LRRC27: variants seen among roughly 807,000 people sequenced by gnomAD.
LRRC27 encodes leucine-rich repeat-containing protein 27.
In LRRC27, 57 loss-of-function variants were observed where a neutral mutation model predicts 55.0. The ratio of observed to expected loss-of-function variants is 1.04; its 90% CI spans 0.84 to 1.29. The LOEUF (loss-of-function observed/expected upper bound fraction) is 1.29. Among genes scored for constraint, LRRC27 ranks in the 50% most tolerant of loss-of-function variants. The probability of loss-of-function intolerance (pLI) is 0.00; values close to 1 mark genes in which losing one functional copy is unlikely to be tolerated. For missense variants in LRRC27, 721 were observed against 651.5 expected (o/e 1.11, Z -1.16); for synonymous variants, 278 against 251.9 (o/e 1.10, Z -0.98).
intron 6 of LRRC27, chr10:132,349,162 T>C: frequency 1.2e-6 from 1 of 807,510 alleles, no homozygotes; most frequent in Non-Finnish European, 2.1e-6. Flanking sequence ...TTGGTGAATC[T>C]AGATCATGCA....
At chr10:132,368,052 G>A (rs1429045416) in intron 10 of LRRC27, among the ~76,000 whole-genome samples, 1 of 152,194 alleles carries the variant, frequency 6.6e-6, no homozygotes, top group African/African-American at 2.4e-5. Context: ...TCACCTTCCT[G>A]TGTACCAGCA....
At chr10:132,357,652 G>T (rs370184609) in intron 8 of LRRC27, among the ~76,000 whole-genome samples, 1 of 152,232 alleles carries the variant, frequency 6.6e-6, no homozygotes, top group Non-Finnish European at 1.5e-5. Flanking sequence ...TGGGGAGGGG[G>T]GCGCAGAGGA....
intron 8 of LRRC27, 125 bp downstream of exon 8, chr10:132,356,011 T>G: frequency 1.5e-6 from 1 of 660,110 alleles, no homozygotes; most frequent in Non-Finnish European, 2.7e-6. Context: ...CTCACACGCA[T>G]CCCTGTCCAT....
At chr10:132,331,306 A>T (rs2066718727), upstream of LRRC27, 2 of 886,490 alleles carry the variant, frequency 2.3e-6, no homozygotes, top group African/African-American at 3.4e-5. Context: ...ACTTTTCATT[A>T]TCAGTTGGAT....
At chr10:132,364,928 C>T (rs927512703) in intron 9 of LRRC27, among the ~76,000 whole-genome samples, 2 of 117,910 alleles carry the variant, frequency 1.7e-5, no homozygotes, top group African/African-American at 5.6e-5. Flanking sequence ...CTTTCTACCA[C>T]CCTGAGTCAT....
chr10:132,336,148 C>G (rs931246258), intron 2 of LRRC27, among the ~76,000 whole-genome samples: 4 of 152,196 alleles, frequency 2.6e-5, no homozygotes, highest in African/African-American at 9.7e-5. Flanking sequence ...TGTTATCTTT[C>G]TGAGATTCCT....
At chr10:132,352,775 C>A in intron 7 of LRRC27, 6 of 1,245,520 alleles carry the variant, frequency 4.8e-6, no homozygotes, top group Non-Finnish European at 6.9e-6. Flanking sequence ...TGGGACAGGC[C>A]GGTTGCAGTG....
chr10:132,347,880 TG>T, intron 5 of LRRC27, 103 bp from the exon 6 acceptor site: 1 of 1,407,460 alleles, frequency 7.1e-7, no homozygotes, highest in Non-Finnish European at 9.6e-7. Context: ...ATGGAGGATC[TG>T]GGCACCCCAC....
intron 8 of LRRC27, among the ~76,000 whole-genome samples, chr10:132,359,641 G>T (rs531300328): frequency 2.0e-5 from 3 of 152,256 alleles, no homozygotes; most frequent in Non-Finnish European, 4.4e-5. Flanking sequence ...TCACTGTGTG[G>T]TCACACCCCA....
upstream of LRRC27, chr10:132,331,880 C>G (rs774384829): frequency 1.7e-6 from 2 of 1,184,816 alleles, no homozygotes; most frequent in South Asian, 1.5e-5. Context: ...TGCGCAGGCG[C>G]ACCACCCCCT....
At position 132,336,483 on chromosome 10, in the gene LRRC27, C is replaced by T. The variant is rs138144410; in HGVS notation, c.211-1082C>T. Among the ~76,000 whole-genome samples, 43 of 152,318 alleles carry T rather than the reference C, an allele frequency of 2.8e-4. No individual in the cohort carries two copies. The East Asian group carries it at 7.9e-3, about 28-fold the overall frequency. On this transcript the variant is annotated intron_variant, in intron 2 of 10. Transcript: ENST00000368614. Reference sequence around the variant, plus strand: ...TGTGATTTTTCCAGTCAGTGTTTCTCCAGTTGGAATCTGTCAGTGATTTGG... The same window carrying T: ...TGTGATTTTTCCAGTCAGTGTTTCTTCAGTTGGAATCTGTCAGTGATTTGG...
intron 8 of LRRC27, among the ~76,000 whole-genome samples, chr10:132,359,685 C>T (rs544735102): frequency 4.6e-5 from 7 of 152,364 alleles, no homozygotes; most frequent in African/African-American, 1.7e-4. Flanking sequence ...CTTGAGGCTG[C>T]GGCTGCTGAA....
chr10:132,361,596 C>G (rs1416962877), intron 9 of LRRC27, 21 bp downstream of exon 9: 3 of 1,558,580 alleles, frequency 1.9e-6, no homozygotes, highest in Non-Finnish European at 1.8e-6. Flanking sequence ...GCAACTGGCA[C>G]TCAGTCCTTC....
chr10:132,352,253 G>C (rs1224263432), intron 7 of LRRC27, among the ~76,000 whole-genome samples: 27 of 95,812 alleles, frequency 2.8e-4, no homozygotes, highest in Non-Finnish European at 4.6e-4. Context: ...AGGGCGTTGC[G>C]TGCATGGGCT....
chr10:132,354,176 C>T (rs2068198311), intron 7 of LRRC27, among the ~76,000 whole-genome samples: 1 of 152,228 alleles, frequency 6.6e-6, no homozygotes, highest in African/African-American at 2.4e-5. Flanking sequence ...AGACAACAGG[C>T]TCGGGCCTCG....
Position 132,379,043 on chromosome 10 carries a change from G to C in LRRC27, c.*3801G>C, listed in dbSNP as rs1320830085. On this transcript the variant is annotated 3_prime_UTR_variant, in exon 11 of 11. Coordinates refer to ENST00000368614, the MANE Select transcript of LRRC27 (RefSeq NM_030626.3). ...TGTTCTCGGGGAGTGCGTGGTGTCA[G>C]ATCCCATCCTGCTCATCTCCAGCAT... The C allele has an allele frequency of 2.0e-5, 3 of 147,816 alleles. No individual in the cohort carries two copies. The highest frequency in any genetic ancestry group is 7.7e-5 in the African/African-American group (3 of 39,076). The allele number at this position is 147,816 out of a possible 1,614,324, so 9.2% of individuals were successfully genotyped here.
chr10:132,373,522 C>T (rs1243046014), intron 10 of LRRC27, among the ~76,000 whole-genome samples: 7 of 152,188 alleles, frequency 4.6e-5, no homozygotes, highest in African/African-American at 1.7e-4. Flanking sequence ...GGTGATGGCA[C>T]TGCCCTCAGC....
intron 8 of LRRC27, among the ~76,000 whole-genome samples, chr10:132,359,163 G>A (rs1045354249): frequency 7.3e-5 from 11 of 150,150 alleles, no homozygotes; most frequent in Admixed American, 4.9e-4. Flanking sequence ...GCAGCGTGGG[G>A]AGGTGCTGAG....
At position 132,344,316 on chromosome 10, in the gene LRRC27, C is replaced by T. The variant is rs536905803; in HGVS notation, c.401-182C>T. Among the ~76,000 whole-genome samples, 13 of 152,302 alleles carry T rather than the reference C, an allele frequency of 8.5e-5. No homozygotes were observed. In the East Asian group the frequency reaches 1.9e-3, roughly 23 times the overall value. On this transcript the variant is annotated intron_variant, in intron 4 of 10. Transcript: ENST00000368614. ...TGGAAACCATCCTGGTCTTAATTTG[C>T]GGAATCCGTCTCCTGCAGAGTTACC...
Sources: gnomAD v4.1 joint callset for allele counts (sites outside exome capture counted in the v4.1 genomes callset) on GRCh38, gnomAD v4.1.1 for gene constraint, MANE v1.5 for transcripts, NCBI Gene and HGNC (gene_info 2026-07-23, HGNC 2026-07-21) for gene names.